Variants in GRIA4 observed in about 807,000 individuals in gnomAD.
The protein encoded by GRIA4 is glutamate receptor 4.
Under a neutral mutation model 104.0 loss-of-function variants are expected in GRIA4, and 34 were observed. The observed-to-expected ratio is 0.33, with a 90% CI of 0.25 to 0.44. The LOEUF (loss-of-function observed/expected upper bound fraction) is 0.44, where lower values mean the gene tolerates loss of function less well. GRIA4 is among the 20% of genes least tolerant of loss of function. GRIA4 has a pLI of 1.00. For missense variants in GRIA4, 750 were observed against 1,096.5 expected (o/e 0.68, Z 4.46); for synonymous variants, 386 against 381.9 (o/e 1.01, Z -0.13).
intron 3 of GRIA4, among the ~76,000 whole-genome samples, chr11:105,698,503 G>A (rs1185325292): frequency 1.3e-5 from 2 of 152,100 alleles, no homozygotes; most frequent in African/African-American, 4.8e-5. Context: ...ATTGGCACTC[G>A]GAGTTGAATC....
At chr11:105,796,758 A>T (rs1942494407) in intron 4 of GRIA4, among the ~76,000 whole-genome samples, 1 of 152,230 alleles carries the variant, frequency 6.6e-6, no homozygotes, top group Non-Finnish European at 1.5e-5. Context: ...TAACATTTAA[A>T]AGATTAATAC....
intron 14 of GRIA4, among the ~76,000 whole-genome samples, chr11:105,966,790 T>C (rs554657098): frequency 2.6e-5 from 4 of 152,182 alleles, no homozygotes; most frequent in Non-Finnish European, 5.9e-5. Flanking sequence ...CTTCACTATA[T>C]ATCAGTATTT....
At chr11:105,660,321 G>A (rs1333840710) in intron 3 of GRIA4, among the ~76,000 whole-genome samples, 1 of 151,638 alleles carries the variant, frequency 6.6e-6, no homozygotes, top group South Asian at 2.1e-4. Context: ...CAAAGAATGA[G>A]ATTAAGAATA....
chr11:105,667,700 T>A (rs1333019809), intron 3 of GRIA4, among the ~76,000 whole-genome samples: 1 of 152,010 alleles, frequency 6.6e-6, no homozygotes, highest in African/African-American at 2.4e-5. Flanking sequence ...GTATAGTTGA[T>A]AAATAAAAAT....
intron 14 of GRIA4, among the ~76,000 whole-genome samples, chr11:105,967,568 A>T (rs185854147): frequency 4.2e-4 from 64 of 152,276 alleles, no homozygotes; most frequent in African/African-American, 1.5e-3. Flanking sequence ...TGAACTACAA[A>T]ATGTTTTAGA....
At chr11:105,660,056 A>G (rs761133218) in intron 3 of GRIA4, among the ~76,000 whole-genome samples, 14 of 151,814 alleles carry the variant, frequency 9.2e-5, no homozygotes, top group Non-Finnish European at 1.9e-4. Flanking sequence ...AAAACCGTTA[A>G]ACAAAAGAGG....
intron 4 of GRIA4, among the ~76,000 whole-genome samples, chr11:105,821,896 T>G (rs1234568681): frequency 1.3e-5 from 2 of 152,132 alleles, no homozygotes; most frequent in African/African-American, 4.8e-5. Context: ...GTCAGGCTGA[T>G]CTCACTGCTG....
At position 105,812,877 on chromosome 11, in the gene GRIA4, G is replaced by A. The variant is rs140661096; in HGVS notation, c.488-49147G>A. 9.5e-3 allele frequency among the ~76,000 whole-genome samples: 1,445 copies of A among 152,090 alleles called. 31 individuals carry two copies. Among genetic ancestry groups the A allele is most frequent in the African/African-American group, 0.033 (1,373 of 41,472 alleles). ...AGCACTTTGGCAGGCCAAGGCGGGCGGATCACGAGGTCAGGAGATCGAGAC... is the reference window on the plus strand; with the variant it reads ...AGCACTTTGGCAGGCCAAGGCGGGCAGATCACGAGGTCAGGAGATCGAGAC... On this transcript the variant is annotated intron_variant, in intron 4 of 16. Transcript: ENST00000282499.
rs139950367 is a variant in GRIA4, at chr11:105,948,850, G to A, written c.2294+14881G>A. Among the ~76,000 whole-genome samples the A allele has an allele frequency of 3.4e-3, 513 of 151,920 alleles. 4 individuals carry two copies. Among genetic ancestry groups the A allele is most frequent in the African/African-American group, 0.012 (488 of 41,468 alleles). ...TCATGATCCGCCCACCTCGGCCTCC[G>A]TAAGTGCTGAGATGACAGGCATGAG... On this transcript the variant is annotated intron_variant, in intron 14 of 16. Transcript: ENST00000282499.
intron 3 of GRIA4, among the ~76,000 whole-genome samples, chr11:105,622,879 A>G (rs1355408791): frequency 6.6e-6 from 1 of 151,656 alleles, no homozygotes; most frequent in Admixed American, 6.6e-5. Context: ...TATTAGTCCA[A>G]ACTCAGTTGT....
chr11:105,913,211 T>C (rs879702611), intron 10 of GRIA4: 9 of 361,784 alleles, frequency 2.5e-5, no homozygotes, highest in Admixed American at 1.3e-4. Context: ...ATGAAACTTA[T>C]AGTATATTGA....
intron 4 of GRIA4, among the ~76,000 whole-genome samples, chr11:105,778,015 C>T (rs1432632514): frequency 6.6e-6 from 1 of 152,148 alleles, no homozygotes; most frequent in East Asian, 1.9e-4. Flanking sequence ...AGTCCAGCTT[C>T]CCTGTATTGC....
At chr11:105,829,094 T>TACACACACACAC (rs146841671) in intron 4 of GRIA4, among the ~76,000 whole-genome samples, 47 of 151,012 alleles carry the variant, frequency 3.1e-4, no homozygotes, top group South Asian at 1.3e-3. Context: ...CAGTGATGTA[T>TACACACACACAC]ACACACACAC....
intron 4 of GRIA4, among the ~76,000 whole-genome samples, chr11:105,756,823 CAA>C (rs1940337406): frequency 6.6e-6 from 1 of 151,964 alleles, no homozygotes; most frequent in East Asian, 1.9e-4. Flanking sequence ...TATTTGCTTA[CAA>C]ACTCTTGTTA....
At chr11:105,687,350 T>C (rs978920218) in intron 3 of GRIA4, among the ~76,000 whole-genome samples, 1 of 152,132 alleles carries the variant, frequency 6.6e-6, no homozygotes, top group African/African-American at 2.4e-5. Context: ...TCAATGTTTA[T>C]TATTATTATT....
At chr11:105,646,578 C>T (rs1202783955) in intron 3 of GRIA4, among the ~76,000 whole-genome samples, 1 of 152,104 alleles carries the variant, frequency 6.6e-6, no homozygotes, top group Non-Finnish European at 1.5e-5. Flanking sequence ...CAGCTTGGTA[C>T]TGGTACAAAA....
rs1344312881 is a variant in GRIA4 at position 105,782,094 on chromosome 11, G to GCCGTGTCGC, written c.487+28876_487+28877insGTGTCGCCC. ...AATCAGCTCAGGGGCGACACATTTG[G>GCCGTGTCGC]CCCAAGTCTGAGTTTTCTTATCTGT... On this transcript the variant is annotated intron_variant, in intron 4 of 16. Coordinates refer to ENST00000282499, the MANE Select transcript of GRIA4 (RefSeq NM_000829.4). 2.0e-5 allele frequency among the ~76,000 whole-genome samples: 3 copies of GCCGTGTCGC among 152,234 alleles called. No individual in the cohort carries two copies. The East Asian group carries it at 5.8e-4, about 29-fold the overall frequency.
At chr11:105,885,023 C>G (rs1591394896) in intron 5 of GRIA4, among the ~76,000 whole-genome samples, 1 of 152,080 alleles carries the variant, frequency 6.6e-6, no homozygotes, top group Non-Finnish European at 1.5e-5. Context: ...AATAGCCACA[C>G]CAGAAGAACG....
At chr11:105,701,494 AT>A (rs1953489543) in intron 3 of GRIA4, among the ~76,000 whole-genome samples, 1 of 152,026 alleles carries the variant, frequency 6.6e-6, no homozygotes, top group Admixed American at 6.6e-5. Context: ...GCATTTCCTT[AT>A]TTTGAAGCAC....
Sources: allele counts gnomAD v4.1 joint callset (sites outside exome capture counted in the v4.1 genomes callset), GRCh38; gene constraint gnomAD v4.1.1; transcripts MANE v1.5; gene names NCBI Gene and HGNC (gene_info 2026-07-23, HGNC 2026-07-21).